The following CEP250 variants were observed in gnomAD, a reference collection of about 807,000 sequenced individuals.
The protein encoded by CEP250 is centrosomal protein 250.
In CEP250, 242 loss-of-function variants were observed where a neutral mutation model predicts 315.7. That is an observed-to-expected ratio of 0.77 (90% confidence interval 0.69 to 0.85). The LOEUF is 0.85. Among genes scored for constraint, CEP250 ranks in the 40% least tolerant of loss-of-function variants. The pLI is 0.00. For missense variants in CEP250, 2,515 were observed against 2,886.4 expected (o/e 0.87, Z 2.95); for synonymous variants, 1,088 against 1,175.0 (o/e 0.93, Z 1.51).
intron 2 of CEP250, among the ~76,000 whole-genome samples, chr20:35,459,418 A>G (rs756518859): frequency 2.6e-5 from 4 of 152,128 alleles, no homozygotes; most frequent in South Asian, 2.1e-4. Flanking sequence ...TCATGGAACT[A>G]TGTGTGGCAG....
rs2146708383 is a variant in CEP250, at chr20:35,466,153, G to A, written c.441G>A (p.Arg147=). The stretch of plus-strand genomic sequence containing the variant: ...AAAAACTGACAGTGGACTGGAGCCG[G>A]GCCCGGGATGAGCTAATGAGGAAGG... ...DVEKLTVDWS[R]ARDELMRKES... is the part of the protein sequence containing the mutation. Residue 147 remains arginine, a synonymous_variant, in exon 7 of 35, where the codon CGG becomes CGA. Transcript: ENST00000397527. 2 of 1,611,872 alleles carry A rather than the reference G, an allele frequency of 1.2e-6. No homozygotes were observed. Among genetic ancestry groups the A allele is most frequent in the East Asian group, 4.5e-5 (2 of 44,806 alleles).
Position 35,498,711 on chromosome 20 carries a change from AC to A in CEP250, c.3775del (p.Arg1259GlyfsTer4), listed in dbSNP as rs2147116455. On this transcript the variant is annotated frameshift_variant, in exon 27 of 35. Coordinates refer to ENST00000397527, the MANE Select transcript of CEP250 (RefSeq NM_007186.6). LOFTEE classifies it high-confidence loss of function. ...TCAAGACCTGTGGAAGACTCAACAG[AC>A]CCGGGTATGTTTCTCTGCTCCCCTT... ...LHQDLWKTQQ[T>X]RDVLRDQVQK... 1 of 1,572,366 alleles carries A rather than the reference AC, an allele frequency of 6.4e-7. No individual in the cohort carries two copies. Among genetic ancestry groups the A allele is most frequent in the East Asian group, 2.3e-5 (1 of 42,750 alleles).
rs1249690419 is a variant in CEP250, at chr20:35,515,306, G to C, written c.*3680G>C. On this transcript the variant is annotated 3_prime_UTR_variant, in exon 35 of 35. Transcript: ENST00000397527. ...GGGATCAAGAAGAGGATGCAGCCCA[G>C]AGCCCAGGACCGAGCATCCACCGGC... is the stretch of plus-strand genomic sequence containing the variant. 2 of 152,382 alleles carry C rather than the reference G, an allele frequency of 1.3e-5. No individual in the cohort carries two copies. Among genetic ancestry groups the C allele is most frequent in the African/African-American group, 4.8e-5 (2 of 41,466 alleles). 9.4% of individuals were successfully genotyped at this position (152,382 alleles called of 1,614,324 possible).
At chr20:35,509,599 T>A (rs544207951) in intron 33 of CEP250, among the ~76,000 whole-genome samples, 2 of 152,346 alleles carry the variant, frequency 1.3e-5, no homozygotes, top group African/African-American at 4.8e-5. Flanking sequence ...TTATGGTGGC[T>A]GAGCACTAGA....
chr20:35,467,578 G>A (rs2062918479), intron 9 of CEP250, 23 bp downstream of exon 9: 1 of 1,609,134 alleles, frequency 6.2e-7, no homozygotes, highest in African/African-American at 1.3e-5. Context: ...GGGGTCCCAA[G>A]AAGGGTTCGC....
chr20:35,480,155 C>A lies in CEP250; in HGVS notation c.2586+10C>A, dbSNP rs1402436560. 13 of 1,607,082 alleles carry A rather than the reference C, an allele frequency of 8.1e-6. No individual in the cohort carries two copies. In the East Asian group the frequency reaches 2.0e-4, roughly 25 times the overall value. On this transcript the variant is annotated intron_variant, in intron 20 of 34. Transcript: ENST00000397527. Reference sequence around the variant, plus strand: ...GCTCCGGGAGAAATGGGTAAGTGGTCAATGTGGCCGGGTATGGCCTCCCTT... The same window carrying A: ...GCTCCGGGAGAAATGGGTAAGTGGTAAATGTGGCCGGGTATGGCCTCCCTT...
At chr20:35,473,836 T>C (rs2063092606) in intron 13 of CEP250, 34 bp from the exon 14 acceptor site, 1 of 1,575,618 alleles carries the variant, frequency 6.3e-7, no homozygotes, top group South Asian at 1.2e-5. Context: ...TTAGGTCCTA[T>C]GGTCTCTGCT....
At chr20:35,473,225 GC>G in intron 12 of CEP250, 148 bp from the exon 13 acceptor site, 1 of 633,878 alleles carries the variant, frequency 1.6e-6, no homozygotes, top group South Asian at 2.2e-5. Flanking sequence ...ACCTCTGATG[GC>G]CTGTCTTCTT....
At chr20:35,499,615 A>G (rs1322791190) in intron 27 of CEP250, among the ~76,000 whole-genome samples, 2 of 152,276 alleles carry the variant, frequency 1.3e-5, no homozygotes, top group African/African-American at 2.4e-5. Flanking sequence ...ACTGGAAAGC[A>G]GAACTGAGAG....
rs764049547 is a variant in CEP250 at position 35,497,740 on chromosome 20, G to A, written c.3328G>A (p.Val1110Met). 12 of 1,555,816 alleles carry A rather than the reference G, an allele frequency of 7.7e-6. No individual in the cohort carries two copies. The highest frequency in any genetic ancestry group is 1.4e-5 in the African/African-American group (1 of 73,258). Residue 1110 changes from valine (V) to methionine (M), a missense_variant, in exon 26 of 35, where the codon GTG becomes ATG. Coordinates refer to ENST00000397527, the MANE Select transcript of CEP250 (RefSeq NM_007186.6). The stretch of plus-strand genomic sequence containing the variant: ...ACAGATGGAATTACTAAGGCAAGAG[G>A]TGAAGGAAAAGGAGGCTGACTTTCT... ...SAQMELLRQEVKEKEADFLAQ... is the reference protein window; with the variant it reads ...SAQMELLRQEMKEKEADFLAQ...
At chr20:35,475,968 A>G (rs2063163077) in intron 15 of CEP250, among the ~76,000 whole-genome samples, 1 of 152,046 alleles carries the variant, frequency 6.6e-6, no homozygotes, top group Non-Finnish European at 1.5e-5. Context: ...AACACCTCAT[A>G]TCCTTTGCTC....
At chr20:35,458,072 TAAATA>T (rs2062671355) in intron 1 of CEP250, among the ~76,000 whole-genome samples, 1 of 152,230 alleles carries the variant, frequency 6.6e-6, no homozygotes, top group Non-Finnish European at 1.5e-5. Flanking sequence ...TCTTTCTCAG[TAAATA>T]AAATGTTTGT....
intron 30 of CEP250, among the ~76,000 whole-genome samples, chr20:35,506,326 TG>T (rs1451983668): frequency 6.6e-6 from 1 of 152,140 alleles, no homozygotes; most frequent in Non-Finnish European, 1.5e-5. Context: ...ATGGGTTTCT[TG>T]TAGGCAGAAT....
At chr20:35,464,957 AAC>A (rs1261880530) in intron 5 of CEP250, among the ~76,000 whole-genome samples, 1 of 152,148 alleles carries the variant, frequency 6.6e-6, no homozygotes, top group Non-Finnish European at 1.5e-5. Context: ...GTAAGTTGAA[AAC>A]ACACCTTTAA....
chr20:35,512,109 G>C lies in CEP250; in HGVS notation c.*483G>C. The C allele has an allele frequency of 1.1e-6, 1 of 912,944 alleles. No homozygotes were observed. The highest frequency in any genetic ancestry group is 1.3e-6 in the Non-Finnish European group (1 of 761,518). 56.6% of individuals were successfully genotyped at this position (912,944 alleles called of 1,614,324 possible). On this transcript the variant is annotated 3_prime_UTR_variant, in exon 35 of 35. Coordinates refer to ENST00000397527, the MANE Select transcript of CEP250 (RefSeq NM_007186.6). Reference sequence around the variant, plus strand: ...TACACCATGCACTGTGATAGGGAAGGGTTACAGAGAACACACAAGACAAAG... The same window carrying C: ...TACACCATGCACTGTGATAGGGAAGCGTTACAGAGAACACACAAGACAAAG...
intron 10 of CEP250, among the ~76,000 whole-genome samples, chr20:35,470,618 T>C (rs1479792512): frequency 6.6e-6 from 1 of 152,134 alleles, no homozygotes; most frequent in African/African-American, 2.4e-5. Flanking sequence ...CCGGTCGTGG[T>C]GGCACATGCC....
chr20:35,514,811 T>C lies in CEP250; in HGVS notation c.*3185T>C, dbSNP rs1200672037. 2 of 152,150 alleles carry C rather than the reference T, an allele frequency of 1.3e-5. No homozygotes were observed. The highest frequency in any genetic ancestry group is 4.8e-5 in the African/African-American group (2 of 41,428). The allele number at this position is 152,150 out of a possible 1,614,324, so 9.4% of individuals were successfully genotyped here. ...CTGGTCATACCGCCTGATAAAACCA[T>C]TGCAGTCCACACTAGGTCTGGAGGC... On this transcript the variant is annotated 3_prime_UTR_variant, in exon 35 of 35. Coordinates refer to ENST00000397527, the MANE Select transcript of CEP250 (RefSeq NM_007186.6).
intron 20 of CEP250, among the ~76,000 whole-genome samples, chr20:35,489,137 G>A (rs2063609441): frequency 6.6e-6 from 1 of 150,892 alleles, no homozygotes; most frequent in Admixed American, 6.6e-5. Flanking sequence ...GCAGTGAGCC[G>A]AGATCACCCC....
chr20:35,474,628 C>T (rs1347068285), intron 14 of CEP250, among the ~76,000 whole-genome samples: 6 of 152,052 alleles, frequency 3.9e-5, no homozygotes, highest in Admixed American at 3.9e-4. Flanking sequence ...GCTAGCTGGT[C>T]AAGAAAGGGA....
Sources: gnomAD v4.1 joint callset for allele counts (sites outside exome capture counted in the v4.1 genomes callset) on GRCh38, gnomAD v4.1.1 for gene constraint, MANE v1.5 for transcripts, NCBI Gene and HGNC (gene_info 2026-07-23, HGNC 2026-07-21) for gene names.